Variants in TAFA4 observed in about 807,000 individuals in gnomAD.
TAFA4 encodes the protein TAFA chemokine like family member 4, also known as chemokine-like protein TAFA-4.
A neutral mutation model predicts 21.1 loss-of-function variants in TAFA4; 20 were observed. The ratio of observed to expected loss-of-function variants is 0.95; its 90% CI spans 0.67 to 1.38. The LOEUF (loss-of-function observed/expected upper bound fraction) is 1.38. Ranked by LOEUF, TAFA4 falls within the 40% of genes most tolerant of loss-of-function variation. TAFA4 has a pLI of 0.00. For missense variants in TAFA4, 211 were observed against 180.9 expected (o/e 1.17, Z -0.95); for synonymous variants, 71 against 67.4 (o/e 1.05, Z -0.26).
At chr3:68,802,852 A>G (rs368750869) in intron 3 of TAFA4, among the ~76,000 whole-genome samples, 4 of 152,218 alleles carry the variant, frequency 2.6e-5, no homozygotes, top group African/African-American at 7.2e-5. Flanking sequence ...TTACGTGGTT[A>G]GGAAGTTGGC....
intron 3 of TAFA4, among the ~76,000 whole-genome samples, chr3:68,776,686 C>T (rs1006049036): frequency 2.1e-4 from 32 of 152,044 alleles, no homozygotes; most frequent in Admixed American, 1.3e-4. Context: ...AGAGTACAAC[C>T]GACAACATCA....
intron 1 of TAFA4, among the ~76,000 whole-genome samples, chr3:68,896,178 C>T: frequency 6.6e-6 from 1 of 152,096 alleles, no homozygotes; most frequent in Non-Finnish European, 1.5e-5. Flanking sequence ...TATCCAGGGA[C>T]AGACCAGGCA....
At chr3:68,918,431 C>T (rs1194646648) in intron 1 of TAFA4, among the ~76,000 whole-genome samples, 2 of 152,186 alleles carry the variant, frequency 1.3e-5, no homozygotes, top group African/African-American at 4.8e-5. Context: ...CTCACTCAAT[C>T]TACTTCTAAA....
At chr3:68,739,274 A>G in intron 4 of TAFA4, 75 bp from the exon 5 acceptor site, 1 of 1,544,594 alleles carries the variant, frequency 6.5e-7, no homozygotes, top group Non-Finnish European at 8.8e-7. Flanking sequence ...AACTCAATAC[A>G]GAGTAGTACA....
intron 4 of TAFA4, among the ~76,000 whole-genome samples, chr3:68,746,403 C>T (rs934276046): frequency 6.6e-6 from 1 of 152,170 alleles, no homozygotes; most frequent in African/African-American, 2.4e-5. Flanking sequence ...GAAAGATATT[C>T]TAAAGAAAAA....
At chr3:68,810,275 T>G (rs1189982630) in intron 3 of TAFA4, among the ~76,000 whole-genome samples, 1 of 152,118 alleles carries the variant, frequency 6.6e-6, no homozygotes, top group Non-Finnish European at 1.5e-5. Flanking sequence ...TTTCTGCATT[T>G]CCAACTGAGG....
intron 1 of TAFA4, among the ~76,000 whole-genome samples, chr3:68,909,471 T>C (rs2089935852): frequency 6.6e-6 from 1 of 152,180 alleles, no homozygotes; most frequent in Non-Finnish European, 1.5e-5. Context: ...AATGAGTGAA[T>C]GGCTCAATCA....
chr3:68,901,037 T>A (rs568805018), intron 1 of TAFA4, among the ~76,000 whole-genome samples: 2 of 152,130 alleles, frequency 1.3e-5, no homozygotes, highest in African/African-American at 4.8e-5. Context: ...GAATTGAGAA[T>A]GAGAAACAGC....
In TAFA4 at chr3:68,875,033, C is replaced by A. The variant is rs913475381; in HGVS notation, c.130+5697G>T. On this transcript the variant is annotated intron_variant, in intron 3 of 5. Transcript: ENST00000295569. ...CTAGTGGAATCCCTCACCATGGAAG[C>A]TTTTAGCATTCAAAAAGCTGAGCTG... 1.6e-4 allele frequency among the ~76,000 whole-genome samples: 25 copies of A among 152,064 alleles called. 1 individual carries two copies. The highest frequency in any genetic ancestry group is 1.5e-5 in the Non-Finnish European group (1 of 68,006).
intron 3 of TAFA4, among the ~76,000 whole-genome samples, chr3:68,793,787 T>G (rs1703407406): frequency 6.6e-6 from 1 of 152,184 alleles, no homozygotes; most frequent in Non-Finnish European, 1.5e-5. Flanking sequence ...CAAATGTAGG[T>G]GCAGAAAGAG....
chr3:68,842,051 G>C (rs371225581), intron 3 of TAFA4, among the ~76,000 whole-genome samples: 11 of 152,194 alleles, frequency 7.2e-5, no homozygotes, highest in African/African-American at 2.6e-4. Context: ...TAATCCTTTG[G>C]GTATATACAC....
intron 3 of TAFA4, among the ~76,000 whole-genome samples, chr3:68,810,923 A>G (rs1703821896): frequency 1.3e-5 from 2 of 152,180 alleles, no homozygotes; most frequent in African/African-American, 4.8e-5. Flanking sequence ...GGCAACCCCC[A>G]GTAGGGGCAG....
At chr3:68,787,786 T>C (rs1209512435) in intron 3 of TAFA4, among the ~76,000 whole-genome samples, 1 of 152,238 alleles carries the variant, frequency 6.6e-6, no homozygotes, top group East Asian at 1.9e-4. Context: ...CAAACCATTA[T>C]TTTCCTTAAA....
chr3:68,860,796 G>C (rs1046565569), intron 3 of TAFA4, among the ~76,000 whole-genome samples: 1 of 152,086 alleles, frequency 6.6e-6, no homozygotes, highest in South Asian at 2.1e-4. Context: ...ATAAACGATA[G>C]TTCAAGTCCA....
chr3:68,854,160 T>G (rs1368488058), intron 3 of TAFA4, among the ~76,000 whole-genome samples: 1 of 151,974 alleles, frequency 6.6e-6, no homozygotes, highest in Non-Finnish European at 1.5e-5. Context: ...GACATTTACA[T>G]TTAAGCCAAG....
chr3:68,796,808 T>A (rs1703460980), intron 3 of TAFA4, among the ~76,000 whole-genome samples: 1 of 152,052 alleles, frequency 6.6e-6, no homozygotes, highest in Non-Finnish European at 1.5e-5. Context: ...AACACCCCAA[T>A]TTAAAAATGG....
intron 3 of TAFA4, among the ~76,000 whole-genome samples, chr3:68,829,723 C>T (rs1410105795): frequency 6.6e-6 from 1 of 152,144 alleles, no homozygotes; most frequent in Non-Finnish European, 1.5e-5. Flanking sequence ...AGGGAGGATT[C>T]CCTCTTTTTC....
intron 3 of TAFA4, among the ~76,000 whole-genome samples, chr3:68,818,750 T>C (rs1240884127): frequency 6.6e-6 from 1 of 152,186 alleles, no homozygotes; most frequent in African/African-American, 2.4e-5. Context: ...TTCACCATCT[T>C]ACCTGGGCAC....
chr3:68,882,324 T>TA (rs11395664), intron 2 of TAFA4, among the ~76,000 whole-genome samples: 27,583 of 146,960 alleles, frequency 0.19, 3,129 homozygotes, highest in East Asian at 0.51. Flanking sequence ...ATCTGTGCTT[T>TA]AAAAAAAAAA....
Sources: allele counts gnomAD v4.1 joint callset (sites outside exome capture counted in the v4.1 genomes callset), GRCh38; gene constraint gnomAD v4.1.1; transcripts MANE v1.5; gene names NCBI Gene and HGNC (gene_info 2026-07-23, HGNC 2026-07-21).